Variants in CPHXL2 observed in about 807,000 individuals in gnomAD.
The protein encoded by CPHXL2 is cytoplasmic polyadenylated homeobox-like protein 2.
chr16:75,670,565 G>T, the CPHXL2 span, among the ~76,000 whole-genome samples: 6 of 152,188 alleles, frequency 3.9e-5, no homozygotes, highest in Admixed American at 3.9e-4. Context: ...CTGGAGACCA[G>T]TGATGCTATC....
the CPHXL2 span, chr16:75,661,240 G>GGAACCA: frequency 5.0e-6 from 2 of 400,564 alleles, no homozygotes; most frequent in Admixed American, 4.4e-5. Flanking sequence ...CTATTGTTCT[G>GGAACCA]GAACCAGTTC....
chr16:75,663,699 T>C, the CPHXL2 span, among the ~76,000 whole-genome samples: 2 of 151,860 alleles, frequency 1.3e-5, no homozygotes, highest in African/African-American at 2.4e-5. Flanking sequence ...CTGGCTAACA[T>C]GGTGAAACCC....
the CPHXL2 span, chr16:75,661,003 A>C: frequency 1.0e-5 from 4 of 399,828 alleles, no homozygotes; most frequent in African/African-American, 2.1e-5. Context: ...AAAGAGAAGC[A>C]ATTGTAGCCC....
chr16:75,672,203 T>C, the CPHXL2 span, among the ~76,000 whole-genome samples: 97,427 of 151,078 alleles, frequency 0.64, 33,916 homozygotes, highest in East Asian at 0.96. Context: ...CGCTTGAAAC[T>C]GGGAGGCGGA....
the CPHXL2 span, among the ~76,000 whole-genome samples, chr16:75,673,520 T>A: frequency 9.7e-4 from 148 of 152,160 alleles, no homozygotes; most frequent in Non-Finnish European, 1.7e-3. Flanking sequence ...TTAAAAATAA[T>A]TTCCTAGGTC....
At chr16:75,661,204 G>C in the CPHXL2 span, 1 of 400,678 alleles carries the variant, frequency 2.5e-6, no homozygotes, top group East Asian at 3.6e-5. Context: ...AATATTCTTT[G>C]TCTTTCTTCC....
chr16:75,672,825 G>A, the CPHXL2 span, among the ~76,000 whole-genome samples: 1 of 151,978 alleles, frequency 6.6e-6, no homozygotes, highest in Admixed American at 6.6e-5. Context: ...TGGGCAGACT[G>A]CTTGATTGCT....
the CPHXL2 span, among the ~76,000 whole-genome samples, chr16:75,663,054 C>A: frequency 1.3e-5 from 2 of 152,236 alleles, no homozygotes; most frequent in African/African-American, 4.8e-5. Context: ...CCCGCCTCGG[C>A]CTCCCAAAGT....
the CPHXL2 span, among the ~76,000 whole-genome samples, chr16:75,668,708 A>C: frequency 6.6e-6 from 1 of 152,168 alleles, no homozygotes; most frequent in Non-Finnish European, 1.5e-5. Context: ...ACCTAATATA[A>C]CACAAATGCT....
the CPHXL2 span, among the ~76,000 whole-genome samples, chr16:75,664,393 A>T: frequency 6.6e-6 from 1 of 152,170 alleles, no homozygotes; most frequent in Non-Finnish European, 1.5e-5. Flanking sequence ...TTGGAGGCCG[A>T]GGTGGGCAGA....
chr16:75,660,403 C>G, the CPHXL2 span: 4 of 398,510 alleles, frequency 1.0e-5, no homozygotes, highest in Non-Finnish European at 1.8e-5. Flanking sequence ...GAGTTGGCAG[C>G]TATTTGGGGA....
At chr16:75,662,203 G>C in the CPHXL2 span, among the ~76,000 whole-genome samples, 1 of 152,136 alleles carries the variant, frequency 6.6e-6, no homozygotes, top group African/African-American at 2.4e-5. Context: ...GATTCATAGA[G>C]TGAGATATGG....
chr16:75,662,335 CTT>C, the CPHXL2 span, among the ~76,000 whole-genome samples: 140 of 126,698 alleles, frequency 1.1e-3, no homozygotes, highest in African/African-American at 1.3e-3. Flanking sequence ...TCTTTCTTTT[CTT>C]TTTTTTTTTT....
At chr16:75,663,708 C>A in the CPHXL2 span, among the ~76,000 whole-genome samples, 1 of 151,762 alleles carries the variant, frequency 6.6e-6, no homozygotes, top group Admixed American at 6.6e-5. Context: ...ATGGTGAAAC[C>A]CTGTCTCTAC....
chr16:75,676,108 A>G, the CPHXL2 span, among the ~76,000 whole-genome samples: 2 of 151,968 alleles, frequency 1.3e-5, no homozygotes, highest in African/African-American at 4.8e-5. Context: ...TACAAAACAC[A>G]CAGTGAGCTT....
chr16:75,664,029 A>G, the CPHXL2 span, among the ~76,000 whole-genome samples: 18,450 of 152,170 alleles, frequency 0.12, 2,339 homozygotes, highest in African/African-American at 0.33. Flanking sequence ...GGTAACCCAG[A>G]CATTCCTTTC....
chr16:75,660,386 C>A, the CPHXL2 span: 2 of 398,612 alleles, frequency 5.0e-6, no homozygotes, highest in Non-Finnish European at 8.8e-6. Context: ...CCAGAGGCAG[C>A]AGGGGTGAGT....
At chr16:75,667,231 G>C in the CPHXL2 span, among the ~76,000 whole-genome samples, 1 of 150,250 alleles carries the variant, frequency 6.7e-6, no homozygotes, top group Non-Finnish European at 1.5e-5. Flanking sequence ...AGAATTGCTT[G>C]AACCCGGGAG....
chr16:75,672,431 A>G, the CPHXL2 span, among the ~76,000 whole-genome samples: 2 of 152,122 alleles, frequency 1.3e-5, no homozygotes, highest in African/African-American at 4.8e-5. Context: ...AAGTTAAGAA[A>G]GAATCTTGTG....
Sources: allele counts gnomAD v4.1 joint callset (sites outside exome capture counted in the v4.1 genomes callset), GRCh38; gene constraint gnomAD v4.1.1; transcripts MANE v1.5; gene names NCBI Gene and HGNC (gene_info 2026-07-23, HGNC 2026-07-21).